Variants in N4BP2 observed in about 807,000 individuals in gnomAD.
N4BP2 encodes the protein NEDD4 binding protein 2.
Under a neutral mutation model 152.8 loss-of-function variants are expected in N4BP2, and 91 were observed. The observed-to-expected ratio is 0.60, with a 90% CI of 0.50 to 0.71. The LOEUF is 0.71. N4BP2 is among the 30% of genes least tolerant of loss of function. N4BP2 has a pLI of 0.00. For missense variants in N4BP2, 1,923 were observed against 2,059.1 expected (o/e 0.93, Z 1.28); for synonymous variants, 646 against 705.3 (o/e 0.92, Z 1.33).
intron 1 of N4BP2, among the ~76,000 whole-genome samples, chr4:40,060,584 A>G (rs1482978486): frequency 2.7e-5 from 4 of 148,836 alleles, no homozygotes; most frequent in Non-Finnish European, 5.9e-5. Flanking sequence ...TAATAAATTT[A>G]TGTGGCTAAG....
chr4:40,107,423 G>A (rs967563500), intron 5 of N4BP2, among the ~76,000 whole-genome samples: 10 of 151,094 alleles, frequency 6.6e-5, no homozygotes, highest in South Asian at 6.3e-4. Flanking sequence ...CTCACTTTGC[G>A]CCCAGGCTGT....
At chr4:40,141,957 G>A (rs916980942) in intron 14 of N4BP2, among the ~76,000 whole-genome samples, 4 of 152,110 alleles carry the variant, frequency 2.6e-5, no homozygotes, top group Non-Finnish European at 2.9e-5. Context: ...GCGTGGTGGC[G>A]CGTGCCTGCA....
In N4BP2 at chr4:40,154,070, G is replaced by A. The variant is rs1482110499; in HGVS notation, c.5268-122G>A. 1.3e-5 allele frequency: 9 copies of A among 668,416 alleles called. No individual in the cohort carries two copies. In the East Asian group the frequency reaches 2.7e-4, roughly 20 times the overall value. The allele number at this position is 668,416 out of a possible 1,614,324, so 41.4% of individuals were successfully genotyped here. A position where few individuals can be genotyped will look rare whatever the true frequency, so the allele number is the denominator to read the frequency against. On this transcript the variant is annotated intron_variant, in intron 17 of 17. Coordinates refer to ENST00000261435, the MANE Select transcript of N4BP2 (RefSeq NM_018177.6). Reference sequence around the variant, plus strand: ...TTGGTCTTGGATATTGACTTAATAAGGGTCAATACTTTGGTAGTAAATATT... The same window carrying A: ...TTGGTCTTGGATATTGACTTAATAAAGGTCAATACTTTGGTAGTAAATATT...
chr4:40,089,701 T>G (rs1243947132), intron 2 of N4BP2, among the ~76,000 whole-genome samples: 3 of 152,188 alleles, frequency 2.0e-5, no homozygotes, highest in Non-Finnish European at 4.4e-5. Flanking sequence ...CCTCCCAAAG[T>G]GCTGGGATTA....
At chr4:40,080,298 A>C (rs1387496505) in intron 2 of N4BP2, among the ~76,000 whole-genome samples, 1 of 145,520 alleles carries the variant, frequency 6.9e-6, no homozygotes, top group East Asian at 2.0e-4. Flanking sequence ...TGATTGGGAG[A>C]TAGTGTGAGC....
chr4:40,178,195 C>T, the N4BP2 span, among the ~76,000 whole-genome samples: 8 of 151,974 alleles, frequency 5.3e-5, no homozygotes, highest in Non-Finnish European at 1.2e-4. Flanking sequence ...CAAAACAAAA[C>T]AAAACAGGAG....
chr4:40,139,150 A>G (rs537492852), intron 14 of N4BP2, among the ~76,000 whole-genome samples: 4 of 152,328 alleles, frequency 2.6e-5, no homozygotes, highest in East Asian at 3.9e-4. Context: ...TTCTAAATAC[A>G]GTATTTTATT....
At chr4:40,091,590 T>A (rs1714548815) in intron 2 of N4BP2, among the ~76,000 whole-genome samples, 1 of 149,088 alleles carries the variant, frequency 6.7e-6, no homozygotes, top group Admixed American at 6.9e-5. Flanking sequence ...CATTTCATTA[T>A]AGTATACAAT....
chr4:40,126,479 A>G, intron 12 of N4BP2, 149 bp downstream of exon 12: 3 of 489,652 alleles, frequency 6.1e-6, no homozygotes, highest in Non-Finnish European at 1.1e-5. Context: ...TATTTTAAGT[A>G]TAATTTGAAG....
At chr4:40,098,484 G>C (rs1288297312) in intron 3 of N4BP2, among the ~76,000 whole-genome samples, 1 of 152,142 alleles carries the variant, frequency 6.6e-6, no homozygotes, top group Non-Finnish European at 1.5e-5. Context: ...AAGTTGGCTA[G>C]ATGAGTAAAT....
At chr4:40,098,978 GTTTA>G (rs1274428014) in intron 3 of N4BP2, among the ~76,000 whole-genome samples, 3 of 152,280 alleles carry the variant, frequency 2.0e-5, no homozygotes, top group Non-Finnish European at 4.4e-5. Context: ...TTGTGCTGTA[GTTTA>G]TTTAATTATA....
chr4:40,072,570 T>A (rs1186898565), intron 1 of N4BP2, among the ~76,000 whole-genome samples: 1 of 151,530 alleles, frequency 6.6e-6, no homozygotes, highest in East Asian at 2.0e-4. Flanking sequence ...GTAATTTTAG[T>A]AGAGATGAGG....
At chr4:40,081,395 C>T (rs1241888191) in intron 2 of N4BP2, among the ~76,000 whole-genome samples, 5 of 152,130 alleles carry the variant, frequency 3.3e-5, no homozygotes, top group African/African-American at 7.2e-5. Context: ...CCTGAAATCC[C>T]AGCACTTTGG....
the N4BP2 span, among the ~76,000 whole-genome samples, chr4:40,169,619 A>C: frequency 0.019 from 2,882 of 151,774 alleles, 87 homozygotes; most frequent in African/African-American, 0.064. Flanking sequence ...CAAGAGCTGT[A>C]TGTAAAGTAC....
chr4:40,083,866 T>A (rs1179380932), intron 2 of N4BP2, among the ~76,000 whole-genome samples: 2 of 152,108 alleles, frequency 1.3e-5, no homozygotes, highest in African/African-American at 4.8e-5. Context: ...AAGTAGAAAT[T>A]TGGGAGCTCC....
At chr4:40,126,437 A>T in intron 12 of N4BP2, 107 bp downstream of exon 12, 1 of 548,350 alleles carries the variant, frequency 1.8e-6, no homozygotes, top group Non-Finnish European at 3.1e-6. Flanking sequence ...TCCATATTTA[A>T]CCTGATTGAA....
chr4:40,149,198 T>G (rs1050370654), intron 16 of N4BP2, among the ~76,000 whole-genome samples: 1 of 152,224 alleles, frequency 6.6e-6, no homozygotes, highest in Non-Finnish European at 1.5e-5. Flanking sequence ...GGTGGTAACC[T>G]AAAAGTTCAT....
At chr4:40,108,348 T>C (rs1296630206) in intron 5 of N4BP2, among the ~76,000 whole-genome samples, 1 of 152,104 alleles carries the variant, frequency 6.6e-6, no homozygotes. Flanking sequence ...AGTCTTGCTT[T>C]GTTGCCCAGG....
chr4:40,097,630 A>G (rs956687593), intron 3 of N4BP2, 61 bp downstream of exon 3: 3 of 931,122 alleles, frequency 3.2e-6, no homozygotes, highest in South Asian at 2.9e-5. Context: ...GTACTATGCC[A>G]TGATTAATAG....
Sources: allele counts gnomAD v4.1 joint callset (sites outside exome capture counted in the v4.1 genomes callset), GRCh38; gene constraint gnomAD v4.1.1; transcripts MANE v1.5; gene names NCBI Gene and HGNC (gene_info 2026-07-23, HGNC 2026-07-21).